The following NOTCH2 variants were observed in gnomAD, a reference collection of about 807,000 sequenced individuals.
NOTCH2 encodes neurogenic locus notch homolog protein 2.
A neutral mutation model predicts 235.8 loss-of-function variants in NOTCH2; 29 were observed. The ratio of observed to expected loss-of-function variants is 0.12; its 90% CI spans 0.09 to 0.17. NOTCH2 has a LOEUF of 0.17. NOTCH2 is among the 10% of genes least tolerant of loss of function. NOTCH2 has a pLI of 1.00. For synonymous variants in NOTCH2, 1,086 were observed against 1,141.5 expected (o/e 0.95, Z 0.98); for missense variants, 2,285 against 3,150.2 (o/e 0.73, Z 6.57).
intron 1 of NOTCH2, among the ~76,000 whole-genome samples, chr1:120,039,080 A>T (rs1654437802): frequency 6.6e-6 from 1 of 152,060 alleles, no homozygotes; most frequent in Non-Finnish European, 1.5e-5. Context: ...ACACATCGGC[A>T]GAACAATAAG....
chr1:119,916,763 C>CT, intron 33 of NOTCH2, 69 bp from the exon 34 acceptor site: 1 of 1,480,740 alleles, frequency 6.8e-7, no homozygotes, highest in Non-Finnish European at 9.3e-7. Flanking sequence ...TTTTCTCAAT[C>CT]TTTTTTATTA....
At chr1:119,955,592 A>C (rs1300439974) in intron 12 of NOTCH2, among the ~76,000 whole-genome samples, 1 of 152,254 alleles carries the variant, frequency 6.6e-6, no homozygotes, top group Non-Finnish European at 1.5e-5. Context: ...CAACTCAAAG[A>C]AGCATTCATT....
intron 19 of NOTCH2, among the ~76,000 whole-genome samples, chr1:119,939,434 A>G (rs781966039): frequency 6.6e-6 from 1 of 152,246 alleles, no homozygotes; most frequent in Non-Finnish European, 1.5e-5. Context: ...ACAGGTTCAT[A>G]CTTTCTGTGC....
At position 119,921,706 on chromosome 1, in the gene NOTCH2, A is replaced by T. The variant is rs587687737; in HGVS notation, c.5310+7T>A. 1 of 1,612,520 alleles carries T rather than the reference A, an allele frequency of 6.2e-7. No homozygotes were observed. The highest frequency in any genetic ancestry group is 1.3e-5 in the African/African-American group (1 of 74,888). On this transcript the variant is annotated splice_region_variant and intron_variant, in intron 29 of 33. Coordinates refer to ENST00000256646, the MANE Select transcript of NOTCH2 (RefSeq NM_024408.4). ...TGACAATGGTGGTTCTACCATGGCC[A>T]CCTCACCTTTACTTTCTTTGGCTGG...
chr1:119,964,509 G>A (rs1197237547), intron 10 of NOTCH2, among the ~76,000 whole-genome samples: 2 of 152,202 alleles, frequency 1.3e-5, no homozygotes, highest in East Asian at 1.9e-4. Flanking sequence ...GACAAAATCT[G>A]GATTCTCTGA....
At chr1:119,956,653 T>C (rs781932457) in intron 12 of NOTCH2, among the ~76,000 whole-genome samples, 2 of 152,212 alleles carry the variant, frequency 1.3e-5, no homozygotes, top group Non-Finnish European at 2.9e-5. Flanking sequence ...ACCAGAGCTC[T>C]TCAACCACAC....
intron 5 of NOTCH2, among the ~76,000 whole-genome samples, chr1:119,972,870 T>G (rs1651419275): frequency 6.6e-6 from 1 of 152,124 alleles, no homozygotes; most frequent in East Asian, 1.9e-4. Context: ...TCTCTGCATG[T>G]CTCGGGCTTC....
chr1:120,022,837 C>A (rs1553209297), intron 2 of NOTCH2, among the ~76,000 whole-genome samples: 1 of 152,134 alleles, frequency 6.6e-6, no homozygotes, highest in Non-Finnish European at 1.5e-5. Context: ...GAACTACAAA[C>A]TTAAAACAGG....
chr1:119,996,873 C>T (rs1245643969), intron 4 of NOTCH2, 124 bp downstream of exon 4: 31 of 1,181,266 alleles, frequency 2.6e-5, no homozygotes, highest in Non-Finnish European at 3.7e-5. Context: ...TAGCAACCCA[C>T]CCCACACAAA....
intron 22 of NOTCH2, among the ~76,000 whole-genome samples, chr1:119,932,875 A>C (rs1442704544): frequency 6.6e-6 from 1 of 152,222 alleles, no homozygotes; most frequent in African/African-American, 2.4e-5. Flanking sequence ...AGTGGCGATT[A>C]CATGTTTGCA....
intron 30 of NOTCH2, 111 bp downstream of exon 30, chr1:119,920,118 T>A (rs1649231095): frequency 1.7e-6 from 2 of 1,154,084 alleles, no homozygotes; most frequent in Non-Finnish European, 2.5e-6. Flanking sequence ...TGATTTAGAG[T>A]CTGTGAAATT....
At chr1:119,987,392 A>T (rs1451103816) in intron 4 of NOTCH2, among the ~76,000 whole-genome samples, 2 of 152,208 alleles carry the variant, frequency 1.3e-5, no homozygotes, top group Non-Finnish European at 2.9e-5. Flanking sequence ...GAGATATTCA[A>T]GGGTTCTAAA....
At chr1:119,976,793 A>T (rs186573188) in intron 5 of NOTCH2, among the ~76,000 whole-genome samples, 4 of 152,166 alleles carry the variant, frequency 2.6e-5, no homozygotes, top group Admixed American at 2.6e-4. Context: ...TCATTTCTCA[A>T]AATGATCACA....
chr1:120,069,534 G>T lies in NOTCH2; in HGVS notation c.-128C>A, dbSNP rs1305935142. On this transcript the variant is annotated 5_prime_UTR_variant, in exon 1 of 34. Coordinates refer to ENST00000256646, the MANE Select transcript of NOTCH2 (RefSeq NM_024408.4). ...CTGCTTCAAAGGCTCAGGCCCTGGC[G>T]CTACGCTCCGAAGCCCAGGCGCAAA... The T allele has an allele frequency of 7.0e-7, 1 of 1,422,530 alleles. No individual in the cohort carries two copies. The highest frequency in any genetic ancestry group is 9.1e-7 in the Non-Finnish European group (1 of 1,096,776). The allele number at this position is 1,422,530 out of a possible 1,614,324, so 88.1% of individuals were successfully genotyped here. A position where few individuals can be genotyped will look rare whatever the true frequency, so the allele number is the denominator to read the frequency against.
intron 1 of NOTCH2, among the ~76,000 whole-genome samples, chr1:120,042,032 G>A (rs1235475023): frequency 7.1e-6 from 1 of 141,570 alleles, no homozygotes; most frequent in South Asian, 2.3e-4. Context: ...CAGATGCCCT[G>A]GCCTACCTTC....
chr1:119,933,771 A>C (rs1649745576), intron 22 of NOTCH2, among the ~76,000 whole-genome samples: 1 of 152,240 alleles, frequency 6.6e-6, no homozygotes, highest in African/African-American at 2.4e-5. Flanking sequence ...TTATTAATTA[A>C]AAGTTCATGG....
chr1:119,980,960 T>C (rs1330352938), intron 5 of NOTCH2, among the ~76,000 whole-genome samples: 1 of 152,116 alleles, frequency 6.6e-6, no homozygotes, highest in Non-Finnish European at 1.5e-5. Context: ...TCCTCGTCAA[T>C]TTTCTGAAGT....
At chr1:119,953,714 A>G in intron 13 of NOTCH2, 26 bp from the exon 14 acceptor site, 1 of 1,606,390 alleles carries the variant, frequency 6.2e-7, no homozygotes, top group Non-Finnish European at 8.5e-7. Flanking sequence ...ACTTTTTACT[A>G]TAGGAGGTAT....
intron 14 of NOTCH2, among the ~76,000 whole-genome samples, chr1:119,951,350 T>C (rs1650465839): frequency 6.6e-6 from 1 of 152,128 alleles, no homozygotes; most frequent in South Asian, 2.1e-4. Flanking sequence ...TGAGGTCTCG[T>C]TATGTTGCCT....
Sources: allele counts gnomAD v4.1 joint callset (sites outside exome capture counted in the v4.1 genomes callset), GRCh38; gene constraint gnomAD v4.1.1; transcripts MANE v1.5; gene names NCBI Gene and HGNC (gene_info 2026-07-23, HGNC 2026-07-21).